SMAP1: variants seen among roughly 807,000 people sequenced by gnomAD.
The protein encoded by SMAP1 is small ArfGAP 1, also known as stromal membrane-associated protein 1.
In SMAP1, 24 loss-of-function variants were observed where a neutral mutation model predicts 58.5. That is an observed-to-expected ratio of 0.41 (90% CI 0.30 to 0.58). The LOEUF (loss-of-function observed/expected upper bound fraction) is 0.58. Among genes scored for constraint, SMAP1 ranks in the 20% least tolerant of loss-of-function variants. The pLI is 0.29. For missense variants in SMAP1, 563 were observed against 566.3 expected, an observed-to-expected ratio of 0.99 and a Z score of 0.06; for synonymous variants, 216 against 196.6, an observed-to-expected ratio of 1.10 and a Z score of -0.82.
Position 70,667,942 on chromosome 6 carries a change from G to A in SMAP1, c.-82G>A, listed in dbSNP as rs900897451. 4 of 1,254,686 alleles carry A rather than the reference G, an allele frequency of 3.2e-6. No individual in the cohort carries two copies. Among genetic ancestry groups the A allele is most frequent in the Non-Finnish European group, 3.3e-6 (3 of 906,468 alleles). 77.7% of individuals were successfully genotyped at this position (1,254,686 alleles called of 1,614,324 possible). A position where few individuals can be genotyped will look rare whatever the true frequency, so the allele number is the denominator to read the frequency against. ...TGAGTCCGCCCGCGGTCCCGGCGGC[G>A]CCAGGTGCGTTCACTCTGCCCGGCT... On this transcript the variant is annotated 5_prime_UTR_variant, in exon 1 of 11. Transcript: ENST00000370455.
intron 7 of SMAP1, among the ~76,000 whole-genome samples, chr6:70,838,419 G>C (rs1451542966): frequency 1.3e-5 from 2 of 152,190 alleles, no homozygotes; most frequent in African/African-American, 2.4e-5. Flanking sequence ...TCCATCTGGA[G>C]AGACAGTGAA....
At chr6:70,683,693 A>G (rs1766819750) in intron 1 of SMAP1, among the ~76,000 whole-genome samples, 1 of 152,196 alleles carries the variant, frequency 6.6e-6, no homozygotes, top group Non-Finnish European at 1.5e-5. Context: ...TGGGTTGAGC[A>G]TTTTGGAAAA....
chr6:70,678,831 A>G, intron 1 of SMAP1, among the ~76,000 whole-genome samples: 1 of 151,928 alleles, frequency 6.6e-6, no homozygotes, highest in Non-Finnish European at 1.5e-5. Context: ...CACTTCCATC[A>G]TTACATCTTC....
At chr6:70,723,982 A>G (rs922586399) in intron 1 of SMAP1, among the ~76,000 whole-genome samples, 2 of 152,106 alleles carry the variant, frequency 1.3e-5, no homozygotes, top group African/African-American at 4.8e-5. Flanking sequence ...ATATTGAAAA[A>G]AAAAGATTGC....
At chr6:70,729,156 G>A (rs768985865) in intron 1 of SMAP1, among the ~76,000 whole-genome samples, 5 of 152,054 alleles carry the variant, frequency 3.3e-5, no homozygotes, top group African/African-American at 4.8e-5. Context: ...AAGAAGGTGT[G>A]AGGCTGGGCG....
At chr6:70,805,037 A>G (rs1769056736) in intron 6 of SMAP1, among the ~76,000 whole-genome samples, 1 of 151,412 alleles carries the variant, frequency 6.6e-6, no homozygotes, top group South Asian at 2.1e-4. Flanking sequence ...CTGAATTTGA[A>G]TGTTGGCCTG....
rs142184760 is a variant in SMAP1 at position 70,806,977 on chromosome 6, A to G, written c.576+8240A>G. 3.7e-4 allele frequency among the ~76,000 whole-genome samples: 57 copies of G among 152,294 alleles called. 1 individual carries two copies. The highest frequency in any genetic ancestry group is 1.2e-3 in the African/African-American group (50 of 41,574). On this transcript the variant is annotated intron_variant, in intron 6 of 10. Coordinates refer to ENST00000370455, the MANE Select transcript of SMAP1 (RefSeq NM_001044305.3). The stretch of plus-strand genomic sequence containing the variant: ...GTGTGTGTGTATTTCTATTTGTCAT[A>G]TATGTCTTCAGGTTCTTTATTGCAA...
intron 1 of SMAP1, among the ~76,000 whole-genome samples, chr6:70,723,325 T>C (rs1482908371): frequency 6.6e-6 from 1 of 152,200 alleles, no homozygotes; most frequent in Non-Finnish European, 1.5e-5. Context: ...CATTAAACAT[T>C]TCTTAAGGAA....
chr6:70,830,100 A>C (rs576122537), intron 6 of SMAP1, among the ~76,000 whole-genome samples: 1 of 152,356 alleles, frequency 6.6e-6, no homozygotes, highest in East Asian at 1.9e-4. Flanking sequence ...GCTTTATCTA[A>C]GTAGACTTAT....
At chr6:70,787,378 C>T (rs576974716) in intron 4 of SMAP1, among the ~76,000 whole-genome samples, 1,986 of 152,288 alleles carry the variant, frequency 0.013, 53 homozygotes, top group African/African-American at 0.046. Flanking sequence ...CCATTCAGGA[C>T]ATAGGCATGG....
intron 3 of SMAP1, among the ~76,000 whole-genome samples, chr6:70,758,433 G>T (rs985932904): frequency 1.7e-4 from 25 of 150,702 alleles, no homozygotes; most frequent in Non-Finnish European, 3.0e-4. Context: ...TGACGAGTTA[G>T]TGGGTGCAGC....
Position 70,832,255 on chromosome 6 carries a change from T to C in SMAP1, c.577-4686T>C, listed in dbSNP as rs568876707. ...TTTCTTTGGCTGTGCAGACGCTCTT[T>C]AGCTTAATGAGGTCCCATTTGTCAA... is the stretch of plus-strand genomic sequence containing the variant. On this transcript the variant is annotated intron_variant, in intron 6 of 10. Transcript: ENST00000370455. Among the ~76,000 whole-genome samples, 8 of 152,328 alleles carry C rather than the reference T, an allele frequency of 5.3e-5. No individual in the cohort carries two copies. The South Asian group carries it at 1.7e-3, about 32-fold the overall frequency.
chr6:70,859,010 T>C (rs912802123), intron 10 of SMAP1: 1 of 192,138 alleles, frequency 5.2e-6, no homozygotes, highest in African/African-American at 2.3e-5. Context: ...CCCACTCTTC[T>C]TCCTTTTACA....
chr6:70,678,972 A>T (rs1398114041), intron 1 of SMAP1, among the ~76,000 whole-genome samples: 2 of 152,086 alleles, frequency 1.3e-5, no homozygotes, highest in African/African-American at 2.4e-5. Context: ...TATTCTGCCT[A>T]ACAAAGTGGA....
At chr6:70,764,954 C>A (rs377558987) in intron 3 of SMAP1, among the ~76,000 whole-genome samples, 1 of 152,170 alleles carries the variant, frequency 6.6e-6, no homozygotes, top group African/African-American at 2.4e-5. Context: ...CACACCACTA[C>A]CACACCCAGC....
intron 6 of SMAP1, among the ~76,000 whole-genome samples, chr6:70,816,967 A>G (rs964289746): frequency 3.9e-5 from 6 of 152,008 alleles, no homozygotes; most frequent in Non-Finnish European, 8.8e-5. Flanking sequence ...GCAAATGTCT[A>G]TTTCGGATAT....
At chr6:70,830,439 A>G (rs1582271974) in intron 6 of SMAP1, among the ~76,000 whole-genome samples, 2 of 152,334 alleles carry the variant, frequency 1.3e-5, no homozygotes, top group Non-Finnish European at 2.9e-5. Flanking sequence ...TGGCTTCCAG[A>G]TATTATTTAC....
chr6:70,767,740 A>T (rs1767063460), intron 3 of SMAP1, among the ~76,000 whole-genome samples: 1 of 141,646 alleles, frequency 7.1e-6, no homozygotes, highest in Admixed American at 7.3e-5. Context: ...ATAACCCTTT[A>T]TTTCCTTCTC....
intron 1 of SMAP1, 129 bp downstream of exon 1, chr6:70,668,270 C>T (rs781522668): frequency 5.7e-5 from 52 of 909,344 alleles, no homozygotes; most frequent in Non-Finnish European, 8.1e-5. Context: ...GACTGGAGGG[C>T]GGGTGGCTGA....
Sources: gnomAD v4.1 joint callset for allele counts (sites outside exome capture counted in the v4.1 genomes callset) on GRCh38, gnomAD v4.1.1 for gene constraint, MANE v1.5 for transcripts, NCBI Gene and HGNC (gene_info 2026-07-23, HGNC 2026-07-21) for gene names.